ADGRL2: variants seen among roughly 807,000 people sequenced by gnomAD.
The protein encoded by ADGRL2 is adhesion G protein-coupled receptor L2.
A neutral mutation model predicts 157.4 loss-of-function variants in ADGRL2; 44 were observed. That is an observed-to-expected ratio of 0.28 (90% CI 0.22 to 0.36). The LOEUF (loss-of-function observed/expected upper bound fraction) is 0.36. ADGRL2 is among the 10% of genes least tolerant of loss of function. ADGRL2 has a pLI of 1.00. For missense variants in ADGRL2, 1,510 were observed against 1,768.9 expected, an observed-to-expected ratio of 0.85 and a Z score of 2.63; for synonymous variants, 585 against 624.7, an observed-to-expected ratio of 0.94 and a Z score of 0.95.
At chr1:81,858,281 A>G (rs2093273673) in intron 2 of ADGRL2, among the ~76,000 whole-genome samples, 1 of 152,188 alleles carries the variant, frequency 6.6e-6, no homozygotes, top group African/African-American at 2.4e-5. Flanking sequence ...AGATCCAATA[A>G]CACATAGGAC....
intron 2 of ADGRL2, chr1:81,505,238 G>T (rs925828930): frequency 9.4e-6 from 5 of 533,950 alleles, no homozygotes; most frequent in Non-Finnish European, 3.6e-6. Flanking sequence ...ACCATCTCCC[G>T]AGGGCTGACC....
intron 1 of ADGRL2, among the ~76,000 whole-genome samples, chr1:81,349,510 T>C (rs1288030552): frequency 1.3e-5 from 2 of 152,082 alleles, no homozygotes; most frequent in Admixed American, 6.6e-5. Flanking sequence ...TGGGATGGTA[T>C]TGGTGCTCTG....
chr1:81,705,671 C>T (rs1185579905), intron 1 of ADGRL2, among the ~76,000 whole-genome samples: 1 of 152,022 alleles, frequency 6.6e-6, no homozygotes, highest in Non-Finnish European at 1.5e-5. Flanking sequence ...AATCCCAGCA[C>T]TTTGGGAGGC....
chr1:81,496,818 A>G (rs772277187), intron 2 of ADGRL2, among the ~76,000 whole-genome samples: 1 of 147,918 alleles, frequency 6.8e-6, no homozygotes, highest in Admixed American at 6.7e-5. Flanking sequence ...TAGATCAATT[A>G]CCCTGATGAC....
Position 81,985,356 on chromosome 1 carries a change from G to T in ADGRL2, c.3508+1G>T, listed in dbSNP as rs1354400365. ...AATAGCACTTCAACACTTAATCAAG[G>T]TCAGTTATCAGGAAAATTTGAGTTA... On this transcript the variant is annotated splice_donor_variant, in intron 21 of 23. Transcript: ENST00000686636. LOFTEE classifies it high-confidence loss of function. The T allele has an allele frequency of 1.3e-6, 2 of 1,571,806 alleles. No individual in the cohort carries two copies. Among genetic ancestry groups the T allele is most frequent in the Non-Finnish European group, 1.7e-6 (2 of 1,150,068 alleles).
At chr1:81,466,839 A>C (rs955290341) in intron 2 of ADGRL2, among the ~76,000 whole-genome samples, 1 of 152,184 alleles carries the variant, frequency 6.6e-6, no homozygotes, top group Non-Finnish European at 1.5e-5. Context: ...TTCTTTGGAA[A>C]GTTAAAAGGA....
intron 2 of ADGRL2, among the ~76,000 whole-genome samples, chr1:81,866,801 A>G (rs2093555368): frequency 6.6e-6 from 1 of 152,158 alleles, no homozygotes; most frequent in Non-Finnish European, 1.5e-5. Context: ...TGATTCAGTT[A>G]TTAACTTCAT....
At chr1:81,889,994 A>G (rs942991047) in intron 2 of ADGRL2, among the ~76,000 whole-genome samples, 7 of 152,226 alleles carry the variant, frequency 4.6e-5, no homozygotes, top group Admixed American at 2.0e-4. Flanking sequence ...ATCTCTGGCA[A>G]TAAATTACTT....
rs113980870 is a variant in ADGRL2, at chr1:81,856,341, C to T, written c.73+19284C>T. ...AGCTCTTTCTCTAGCTCTGGAATTG[C>T]TTCATGTTTCCCAGTTCAAATTCTT... On this transcript the variant is annotated intron_variant, in intron 2 of 23. Coordinates refer to ENST00000686636, the MANE Select transcript of ADGRL2 (RefSeq NM_001366006.2). Among the ~76,000 whole-genome samples the T allele has an allele frequency of 5.2e-4, 79 of 152,250 alleles. 1 individual carries two copies. The highest frequency in any genetic ancestry group is 3.4e-3 in the Middle Eastern group (1 of 294).
At chr1:81,869,665 T>A (rs1439320966) in intron 2 of ADGRL2, among the ~76,000 whole-genome samples, 1 of 152,058 alleles carries the variant, frequency 6.6e-6, no homozygotes, top group African/African-American at 2.4e-5. Flanking sequence ...AAGGTGAATG[T>A]CAGTCACATT....
At chr1:81,598,888 G>T (rs2081286778) in intron 3 of ADGRL2, among the ~76,000 whole-genome samples, 1 of 152,168 alleles carries the variant, frequency 6.6e-6, no homozygotes, top group Non-Finnish European at 1.5e-5. Flanking sequence ...AGAATGAATG[G>T]CTATTTATGC....
chr1:81,335,321 C>T (rs1661557491), intron 1 of ADGRL2, among the ~76,000 whole-genome samples: 2 of 152,098 alleles, frequency 1.3e-5, no homozygotes, highest in Admixed American at 1.3e-4. Flanking sequence ...TTGGAAAGCT[C>T]AGAATGTGCA....
At chr1:81,517,464 CA>C (rs397956551) in intron 2 of ADGRL2, among the ~76,000 whole-genome samples, 1,530 of 45,232 alleles carry the variant, frequency 0.034, 9 homozygotes, top group African/African-American at 0.089. Context: ...GACTCCCTCT[CA>C]AAAAAAAAAA....
intron 2 of ADGRL2, among the ~76,000 whole-genome samples, chr1:81,863,865 C>A (rs1234497430): frequency 6.6e-6 from 1 of 152,146 alleles, no homozygotes; most frequent in East Asian, 1.9e-4. Context: ...TAGATAGACT[C>A]TTGTAATTCC....
intron 2 of ADGRL2, among the ~76,000 whole-genome samples, chr1:81,499,861 AGAAT>A: frequency 1.3e-5 from 2 of 152,324 alleles, no homozygotes; most frequent in Non-Finnish European, 2.9e-5. Flanking sequence ...CAAAACCAAG[AGAAT>A]GATAGTGATA....
intron 2 of ADGRL2, among the ~76,000 whole-genome samples, chr1:81,564,373 T>G (rs983322639): frequency 1.3e-5 from 2 of 152,196 alleles, no homozygotes; most frequent in African/African-American, 4.8e-5. Context: ...AGGGTTGTAG[T>G]TATCGCAAGG....
intron 3 of ADGRL2, among the ~76,000 whole-genome samples, chr1:81,922,513 A>G (rs2095006788): frequency 6.6e-6 from 1 of 152,222 alleles, no homozygotes; most frequent in African/African-American, 2.4e-5. Flanking sequence ...ACTCCGAAAC[A>G]GTAAGGAGTT....
intron 3 of ADGRL2, among the ~76,000 whole-genome samples, chr1:81,641,507 A>C (rs547889685): frequency 6.6e-6 from 1 of 152,356 alleles, no homozygotes; most frequent in African/African-American, 2.4e-5. Flanking sequence ...TTAAACTGAA[A>C]ATCGACAACA....
chr1:81,632,025 G>T (rs977435249), intron 3 of ADGRL2, among the ~76,000 whole-genome samples: 1 of 152,102 alleles, frequency 6.6e-6, no homozygotes, highest in African/African-American at 2.4e-5. Context: ...AGCCACATAA[G>T]AAATATTTGA....
Sources: allele counts gnomAD v4.1 joint callset (sites outside exome capture counted in the v4.1 genomes callset), GRCh38; gene constraint gnomAD v4.1.1; transcripts MANE v1.5; gene names NCBI Gene and HGNC (gene_info 2026-07-23, HGNC 2026-07-21).